Variants in PARD3B observed in about 807,000 individuals in gnomAD.
PARD3B encodes the protein par-3 family cell polarity regulator beta.
In PARD3B, 103 loss-of-function variants were observed where a neutral mutation model predicts 130.2. That is an observed-to-expected ratio of 0.79 (90% CI 0.67 to 0.93). PARD3B has a LOEUF of 0.93. PARD3B is among the 40% of genes least tolerant of loss of function. PARD3B has a pLI of 0.00. For synonymous variants in PARD3B, 583 were observed against 553.2 expected (o/e 1.05, Z -0.76); for missense variants, 1,609 against 1,499.2 (o/e 1.07, Z -1.21).
intron 3 of PARD3B, among the ~76,000 whole-genome samples, chr2:205,029,911 G>A (rs941168645): frequency 2.0e-5 from 3 of 152,136 alleles, no homozygotes; most frequent in Admixed American, 1.3e-4. Context: ...ATAGGGAGTT[G>A]CAAACCTGCT....
chr2:204,807,026 G>A (rs2042792156), intron 2 of PARD3B, among the ~76,000 whole-genome samples: 1 of 152,130 alleles, frequency 6.6e-6, no homozygotes, highest in African/African-American at 2.4e-5. Context: ...ATTGCAGAAG[G>A]CGAAGGAGGA....
chr2:205,324,573 A>G (rs1267445997), intron 18 of PARD3B, among the ~76,000 whole-genome samples: 1 of 152,132 alleles, frequency 6.6e-6, no homozygotes, highest in Non-Finnish European at 1.5e-5. Flanking sequence ...TTTAAAAATA[A>G]ATTGTTTCAT....
chr2:205,027,312 G>A (rs765932862), intron 3 of PARD3B, among the ~76,000 whole-genome samples: 7 of 152,066 alleles, frequency 4.6e-5, no homozygotes, highest in Non-Finnish European at 1.0e-4. Flanking sequence ...CTGATGATTA[G>A]TGATGTTGTG....
At chr2:205,154,862 CAG>C (rs914165522) in intron 10 of PARD3B, among the ~76,000 whole-genome samples, 1 of 152,104 alleles carries the variant, frequency 6.6e-6, no homozygotes, top group Non-Finnish European at 1.5e-5. Context: ...CAGTTGGACA[CAG>C]GGTGGGGAAC....
chr2:204,998,875 A>G (rs1359510662), intron 3 of PARD3B, among the ~76,000 whole-genome samples: 2 of 152,066 alleles, frequency 1.3e-5, no homozygotes, highest in Non-Finnish European at 2.9e-5. Flanking sequence ...CAACACGCCC[A>G]GCTGATTTTT....
intron 18 of PARD3B, among the ~76,000 whole-genome samples, chr2:205,398,700 G>A (rs747145984): frequency 6.6e-6 from 1 of 152,220 alleles, no homozygotes; most frequent in Non-Finnish European, 1.5e-5. Context: ...CCTTCCAGGT[G>A]TGATACTCAG....
At chr2:204,608,258 T>C (rs182328199) in intron 1 of PARD3B, among the ~76,000 whole-genome samples, 2 of 152,286 alleles carry the variant, frequency 1.3e-5, no homozygotes, top group Admixed American at 6.5e-5. Context: ...GCAAGGAAAG[T>C]TTACAGCAAA....
intron 2 of PARD3B, among the ~76,000 whole-genome samples, chr2:204,766,972 T>TC (rs1027770681): frequency 2.1e-5 from 3 of 139,756 alleles, no homozygotes; most frequent in Admixed American, 7.5e-5. Context: ...TTTCTTTTTT[T>TC]TTTTTTTTCA....
At chr2:205,049,311 C>T (rs549255594) in intron 4 of PARD3B, among the ~76,000 whole-genome samples, 1 of 152,058 alleles carries the variant, frequency 6.6e-6, no homozygotes, top group Admixed American at 6.6e-5. Flanking sequence ...GCAAACATGT[C>T]CTTCTTCACA....
At chr2:205,396,735 C>T (rs963311251) in intron 18 of PARD3B, among the ~76,000 whole-genome samples, 5 of 152,164 alleles carry the variant, frequency 3.3e-5, no homozygotes, top group Admixed American at 6.5e-5. Flanking sequence ...CCTTAAGGCA[C>T]CTAGCCCAGA....
intron 1 of PARD3B, among the ~76,000 whole-genome samples, chr2:204,593,911 T>C (rs1395997729): frequency 6.6e-6 from 1 of 152,220 alleles, no homozygotes; most frequent in Non-Finnish European, 1.5e-5. Flanking sequence ...ACAACCTTAC[T>C]GAAAATGTAC....
intron 2 of PARD3B, among the ~76,000 whole-genome samples, chr2:204,893,311 G>A (rs543010268): frequency 6.6e-6 from 1 of 152,266 alleles, no homozygotes; most frequent in African/African-American, 2.4e-5. Flanking sequence ...TATGAAAGTG[G>A]AGGCAGTGAG....
chr2:205,215,587 A>T (rs2037865229), intron 15 of PARD3B, among the ~76,000 whole-genome samples: 1 of 152,110 alleles, frequency 6.6e-6, no homozygotes, highest in African/African-American at 2.4e-5. Flanking sequence ...ATTCAACCTC[A>T]CAAGTAATTA....
intron 2 of PARD3B, among the ~76,000 whole-genome samples, chr2:204,834,820 G>A (rs1237449186): frequency 6.6e-6 from 1 of 152,172 alleles, no homozygotes; most frequent in Non-Finnish European, 1.5e-5. Context: ...TACTGTGTCA[G>A]CGATGGGCTG....
chr2:205,403,892 A>G (rs1042496751), intron 19 of PARD3B, among the ~76,000 whole-genome samples: 1 of 152,228 alleles, frequency 6.6e-6, no homozygotes, highest in African/African-American at 2.4e-5. Flanking sequence ...TCTCCGAAAT[A>G]TCTTTTCTTA....
Position 204,965,221 on chromosome 2 carries a change from C to A in PARD3B, c.292C>A (p.Arg98=). 6.2e-7 allele frequency: 1 copy of A among 1,613,912 alleles called. No individual in the cohort carries two copies. The highest frequency in any genetic ancestry group is 8.5e-7 in the Non-Finnish European group (1 of 1,179,896). ...IESPSGNPAD[R]QSPDAFETEV... ...GAGCCCCAGTGGAAACCCTGCAGAT[C>A]GGCAGAGCCCAGATGCTTTTGAGAC... Residue 98 remains arginine (R), a synonymous_variant, in exon 3 of 23, where the codon CGG becomes AGG. Transcript: ENST00000406610.
intron 19 of PARD3B, among the ~76,000 whole-genome samples, chr2:205,426,585 C>G (rs1255518585): frequency 6.6e-6 from 1 of 152,168 alleles, no homozygotes; most frequent in African/African-American, 2.4e-5. Flanking sequence ...GAGCAAACCT[C>G]CTCTTTACTC....
chr2:205,169,159 C>T (rs2035004389), intron 11 of PARD3B, among the ~76,000 whole-genome samples: 1 of 152,174 alleles, frequency 6.6e-6, no homozygotes, highest in Non-Finnish European at 1.5e-5. Context: ...TGAAATTACA[C>T]ATCATTTATC....
In PARD3B at chr2:205,077,132, A is replaced by C. The variant is rs146745854; in HGVS notation, c.505-27294A>C. Among the ~76,000 whole-genome samples the C allele has an allele frequency of 5.6e-3, 848 of 152,206 alleles. 16 individuals carry two copies. The highest frequency in any genetic ancestry group is 0.025 in the East Asian group (128 of 5,166). On this transcript the variant is annotated intron_variant, in intron 4 of 22. Transcript: ENST00000406610. ...TATATAGATATAAACAAATATATAT[A>C]TCTCTCTCAAGATTTAGATTGTCAG...
Sources: allele counts gnomAD v4.1 joint callset (sites outside exome capture counted in the v4.1 genomes callset), GRCh38; gene constraint gnomAD v4.1.1; transcripts MANE v1.5; gene names NCBI Gene and HGNC (gene_info 2026-07-23, HGNC 2026-07-21).